PAX5: variants seen among roughly 807,000 people sequenced by gnomAD.
PAX5 encodes paired box protein Pax-5.
A neutral mutation model predicts 43.7 loss-of-function variants in PAX5; 9 were observed. That is an observed-to-expected ratio of 0.21 (90% CI 0.12 to 0.36). PAX5 has a LOEUF of 0.36. PAX5 is among the 10% of genes least tolerant of loss of function. The pLI is 1.00. For missense variants in PAX5, 383 were observed against 532.7 expected, an observed-to-expected ratio of 0.72 and a Z score of 2.77; for synonymous variants, 228 against 214.3, an observed-to-expected ratio of 1.06 and a Z score of -0.56.
chr9:36,866,006 T>C (rs573771374), intron 8 of PAX5, among the ~76,000 whole-genome samples: 1 of 152,236 alleles, frequency 6.6e-6, no homozygotes, highest in African/African-American at 2.4e-5. Context: ...CCACTGGCAG[T>C]CCTCCTGTTT....
In PAX5 at chr9:36,869,895, AATGGATGGATGG is replaced by A. The variant is rs371489118; in HGVS notation, c.1012+12097_1012+12108del. On this transcript the variant is annotated intron_variant, in intron 8 of 9. Transcript: ENST00000358127. ...GGATAAATGGATGGATGGATGGATA[AATGGATGGATGG>A]ATGGATGGATGGATGGATGGATGGA... Among the ~76,000 whole-genome samples the A allele has an allele frequency of 4.2e-3, 207 of 49,384 alleles. 3 individuals carry two copies. The highest frequency in any genetic ancestry group is 0.012 in the African/African-American group (174 of 14,130). 32.4% of individuals were successfully genotyped at this position (49,384 alleles called of 152,430 possible). A position where few individuals can be genotyped will look rare whatever the true frequency, so the allele number is the denominator to read the frequency against.
intron 5 of PAX5, among the ~76,000 whole-genome samples, chr9:36,973,068 A>C (rs80168305): frequency 0.15 from 16,674 of 110,328 alleles, 1,656 homozygotes; most frequent in African/African-American, 0.21. Context: ...AGGAAAGGAA[A>C]GGAACGGAAC....
rs1162938844 is a variant in PAX5, at chr9:36,882,969, A to G, written c.911-864T>C. Among the ~76,000 whole-genome samples the G allele has an allele frequency of 1.3e-5, 2 of 152,252 alleles. No homozygotes were observed. Among genetic ancestry groups the G allele is most frequent in the African/African-American group, 4.8e-5 (2 of 41,460 alleles). ...GGGTGTGCATGTTGGGGTAGAGGCCAGGACCACATAAGGGGTGCTGCCAAA... is the reference window on the plus strand; with the variant it reads ...GGGTGTGCATGTTGGGGTAGAGGCCGGGACCACATAAGGGGTGCTGCCAAA... On this transcript the variant is annotated intron_variant, in intron 7 of 9. Transcript: ENST00000358127. The surrounding 1 kb of genome is among the most constrained non-coding windows in gnomAD (Gnocchi z 4.4).
rs1412226668 is a variant in PAX5, at chr9:36,835,983, G to T, written c.*4577C>A. 8.6e-6 allele frequency: 2 copies of T among 233,350 alleles called. No individual in the cohort carries two copies. Among genetic ancestry groups the T allele is most frequent in the Non-Finnish European group, 1.7e-5 (2 of 118,194 alleles). The allele number at this position is 233,350 out of a possible 1,614,324, so 14.5% of individuals were successfully genotyped here. A position where few individuals can be genotyped will look rare whatever the true frequency, so the allele number is the denominator to read the frequency against. On this transcript the variant is annotated 3_prime_UTR_variant, in exon 10 of 10. Transcript: ENST00000358127. ...TTCTAGGGCTGTGTCAGGGTGCTTG[G>T]TTGGTTTTTAAGATTTGCTTCCCTG...
rs1030231833 is a variant in PAX5, at chr9:36,837,886, T to A, written c.*2674A>T. The A allele has an allele frequency of 1.3e-5, 3 of 233,314 alleles. No individual in the cohort carries two copies. Among genetic ancestry groups the A allele is most frequent in the Non-Finnish European group, 2.5e-5 (3 of 118,164 alleles). 14.5% of individuals were successfully genotyped at this position (233,314 alleles called of 1,614,324 possible). A position where few individuals can be genotyped will look rare whatever the true frequency, so the allele number is the denominator to read the frequency against. ...AAGGATGCTGCATGCCTCAGGCAGCTGGTTCAGGGGAGGCTGACCTCCTCC... is the reference window on the plus strand; with the variant it reads ...AAGGATGCTGCATGCCTCAGGCAGCAGGTTCAGGGGAGGCTGACCTCCTCC... On this transcript the variant is annotated 3_prime_UTR_variant, in exon 10 of 10. Coordinates refer to ENST00000358127, the MANE Select transcript of PAX5 (RefSeq NM_016734.3).
chr9:36,967,928 A>G (rs1196447242), intron 5 of PAX5, among the ~76,000 whole-genome samples: 1 of 152,246 alleles, frequency 6.6e-6, no homozygotes. Context: ...AATATTACGA[A>G]TTATCAATAA....
Position 36,840,216 on chromosome 9 carries a change from G to A in PAX5, c.*344C>T. The A allele has an allele frequency of 4.2e-6, 2 of 476,500 alleles. No homozygotes were observed. The highest frequency in any genetic ancestry group is 7.6e-5 in the East Asian group (2 of 26,334). The allele number at this position is 476,500 out of a possible 1,614,324, so 29.5% of individuals were successfully genotyped here. On this transcript the variant is annotated 3_prime_UTR_variant, in exon 10 of 10. Coordinates refer to ENST00000358127, the MANE Select transcript of PAX5 (RefSeq NM_016734.3). ...CAACAAAAGCAAGCTCTCCTTCCCA[G>A]GCTGGGGTGGTTATGATGGATGGAT...
At chr9:36,951,649 A>C (rs1301414850) in intron 6 of PAX5, among the ~76,000 whole-genome samples, 5 of 152,138 alleles carry the variant, frequency 3.3e-5, no homozygotes, top group Non-Finnish European at 7.4e-5. Context: ...GGTCTTGGTT[A>C]TTTTACACGT....
intron 3 of PAX5, among the ~76,000 whole-genome samples, chr9:37,012,666 T>C (rs950105493): frequency 6.6e-6 from 1 of 152,358 alleles, no homozygotes; most frequent in South Asian, 2.1e-4. Flanking sequence ...ATTTGCCTCA[T>C]ACATTTCTTT....
intron 9 of PAX5, among the ~76,000 whole-genome samples, chr9:36,844,205 G>A (rs149204190): frequency 7.7e-4 from 118 of 152,326 alleles, no homozygotes; most frequent in African/African-American, 2.8e-3. Flanking sequence ...CCCAAGGCCT[G>A]TTTCTACAGA....
intron 5 of PAX5, among the ~76,000 whole-genome samples, chr9:36,972,936 G>C (rs779952324): frequency 7.9e-5 from 12 of 151,806 alleles, no homozygotes; most frequent in Non-Finnish European, 1.8e-4. Context: ...GCTGAGGCAC[G>C]AGAATCTCTT....
intron 5 of PAX5, among the ~76,000 whole-genome samples, chr9:36,989,569 A>T (rs1588158759): frequency 6.6e-6 from 1 of 152,234 alleles, no homozygotes; most frequent in South Asian, 2.1e-4. Flanking sequence ...TGTGATCTAT[A>T]CACATCTGGA....
intron 1 of PAX5, among the ~76,000 whole-genome samples, chr9:37,026,881 C>T (rs1840438897): frequency 6.6e-6 from 1 of 152,230 alleles, no homozygotes; most frequent in South Asian, 2.1e-4. Context: ...GCGGCCAAGG[C>T]GCCCGCGGCT....
intron 6 of PAX5, among the ~76,000 whole-genome samples, chr9:36,935,037 G>A (rs10973131): frequency 1.9e-4 from 29 of 152,232 alleles, no homozygotes; most frequent in Non-Finnish European, 3.1e-4. Context: ...GGCCAAACAC[G>A]CTCTTTATTC....
intron 5 of PAX5, among the ~76,000 whole-genome samples, chr9:36,985,496 G>A (rs1467923458): frequency 6.6e-6 from 1 of 152,198 alleles, no homozygotes; most frequent in Non-Finnish European, 1.5e-5. Flanking sequence ...GTGTGTGCCA[G>A]GCCCTATGCT....
intron 3 of PAX5, among the ~76,000 whole-genome samples, chr9:37,011,617 G>A (rs1199799295): frequency 1.3e-5 from 2 of 152,200 alleles, no homozygotes; most frequent in East Asian, 1.9e-4. Context: ...TCCATAAGAA[G>A]TCAAATGAAC....
rs1821859462 is a variant in PAX5 at position 36,839,275 on chromosome 9, A to C, written c.*1285T>G. 2 of 233,290 alleles carry C rather than the reference A, an allele frequency of 8.6e-6. No individual in the cohort carries two copies. The highest frequency in any genetic ancestry group is 4.4e-5 in the African/African-American group (2 of 45,314). The allele number at this position is 233,290 out of a possible 1,614,324, so 14.5% of individuals were successfully genotyped here. ...AGTGAGTTCTCCAAGCTCCCTCTCC[A>C]AGTTCCCGTGGCCCTTGGCCGTGGC... is the stretch of plus-strand genomic sequence containing the variant. On this transcript the variant is annotated 3_prime_UTR_variant, in exon 10 of 10. Coordinates refer to ENST00000358127, the MANE Select transcript of PAX5 (RefSeq NM_016734.3).
At chr9:36,981,303 G>A (rs562133182) in intron 5 of PAX5, among the ~76,000 whole-genome samples, 3 of 151,458 alleles carry the variant, frequency 2.0e-5, no homozygotes, top group South Asian at 4.2e-4. Context: ...TTCTTCCTTA[G>A]AACGTCACTC....
intron 8 of PAX5, among the ~76,000 whole-genome samples, chr9:36,860,326 G>A (rs1391112792): frequency 1.3e-5 from 2 of 151,646 alleles, no homozygotes; most frequent in Middle Eastern, 3.2e-3. Flanking sequence ...GACAGAGCAA[G>A]ACTGTCTCAA....
Sources: allele counts gnomAD v4.1 joint callset (sites outside exome capture counted in the v4.1 genomes callset), GRCh38; gene constraint gnomAD v4.1.1; non-coding constraint Gnocchi (gnomAD v3.1); transcripts MANE v1.5; gene names NCBI Gene and HGNC (gene_info 2026-07-23, HGNC 2026-07-21).